Variants in ZC3H18 observed in about 807,000 individuals in gnomAD.
ZC3H18 encodes the protein zinc finger CCCH-type containing 18.
A neutral mutation model predicts 106.1 loss-of-function variants in ZC3H18; 8 were observed. The observed-to-expected ratio is 0.08, with a 90% CI of 0.04 to 0.14. ZC3H18 has a LOEUF of 0.14. ZC3H18 is among the 10% of genes least tolerant of loss of function. ZC3H18 has a pLI of 1.00. For missense variants in ZC3H18, 1,318 were observed against 1,278.4 expected (o/e 1.03, Z -0.47); for synonymous variants, 635 against 522.1 (o/e 1.22, Z -2.95).
At chr16:88,596,513 G>C (rs1006713522) in intron 3 of ZC3H18, among the ~76,000 whole-genome samples, 1 of 152,076 alleles carries the variant, frequency 6.6e-6, no homozygotes, top group Non-Finnish European at 1.5e-5. Context: ...GGTGGTACCC[G>C]CCTGTAATCC....
chr16:88,623,102 T>C, intron 9 of ZC3H18, 117 bp from the exon 10 acceptor site: 1 of 1,437,008 alleles, frequency 7.0e-7, no homozygotes, highest in South Asian at 1.3e-5. Flanking sequence ...TGCGCAGCTG[T>C]GCGCTTGTGT....
rs115251082 is a variant in ZC3H18 at position 88,572,040 on chromosome 16, C to T, written c.-15+1474C>T. 7.9e-3 allele frequency among the ~76,000 whole-genome samples: 1,207 copies of T among 152,314 alleles called. 21 individuals are homozygous for T. Among genetic ancestry groups the T allele is most frequent in the African/African-American group, 0.028 (1,157 of 41,566 alleles). On this transcript the variant is annotated intron_variant, in intron 1 of 17. Coordinates refer to ENST00000301011, the MANE Select transcript of ZC3H18 (RefSeq NM_144604.4). ...GAAAATCAGTCTTATTCAATAGTCA[C>T]CCTCCAGGTTTGACCAAAAGTTTAC...
At chr16:88,603,477 G>A (rs1397264937) in intron 6 of ZC3H18, among the ~76,000 whole-genome samples, 2 of 151,338 alleles carry the variant, frequency 1.3e-5, no homozygotes, top group African/African-American at 4.8e-5. Flanking sequence ...GAAGAAATTA[G>A]CAGGGCGTGG....
chr16:88,571,123 G>C (rs1327201477), intron 1 of ZC3H18, among the ~76,000 whole-genome samples: 2 of 152,214 alleles, frequency 1.3e-5, no homozygotes, highest in East Asian at 1.9e-4. Context: ...GAGATCAGAG[G>C]TGCTGGGTCC....
intron 3 of ZC3H18, among the ~76,000 whole-genome samples, chr16:88,594,047 A>G (rs1288137180): frequency 6.6e-6 from 1 of 152,172 alleles, no homozygotes; most frequent in Non-Finnish European, 1.5e-5. Context: ...CTCTGAGCAC[A>G]CTGAAAAGGC....
chr16:88,596,150 G>A (rs994822461), intron 3 of ZC3H18, among the ~76,000 whole-genome samples: 1 of 152,106 alleles, frequency 6.6e-6, no homozygotes, highest in African/African-American at 2.4e-5. Context: ...GCAGCCCCAC[G>A]CTCGCCTTCT....
intron 6 of ZC3H18, among the ~76,000 whole-genome samples, chr16:88,603,024 G>T (rs1395908424): frequency 6.6e-6 from 1 of 151,736 alleles, no homozygotes; most frequent in Non-Finnish European, 1.5e-5. Context: ...GAGTGTAGTG[G>T]TGCCATCTTG....
chr16:88,587,620 A>G (rs1178009862), intron 3 of ZC3H18: 3 of 1,533,878 alleles, frequency 2.0e-6, no homozygotes, highest in African/African-American at 1.4e-5. Flanking sequence ...AAAGGTACAA[A>G]ATACGCTATA....
rs1215774191 is a variant in ZC3H18, at chr16:88,577,623, G to A, written c.500G>A (p.Gly167Glu). ...GGCGAAGGCACTCCCAGGGAGGAGGGGAAGGCTGGTGTTCAGAGTGTGGGA... is the reference window on the plus strand; with the variant it reads ...GGCGAAGGCACTCCCAGGGAGGAGGAGAAGGCTGGTGTTCAGAGTGTGGGA... ...EKGEGTPREE[G>E]KAGVQSVGEK... Residue 167 changes from glycine to glutamate, a missense_variant, in exon 2 of 18, where the codon GGG (glycine) becomes GAG (glutamate). By Grantham distance (98) the Gly-to-Glu change is moderately conservative. Transcript: ENST00000301011. 6 of 1,613,832 alleles carry A rather than the reference G, an allele frequency of 3.7e-6. No homozygotes were observed. The highest frequency in any genetic ancestry group is 5.1e-6 in the Non-Finnish European group (6 of 1,180,030).
intron 1 of ZC3H18, among the ~76,000 whole-genome samples, chr16:88,576,380 C>G (rs553894588): frequency 1.3e-5 from 2 of 152,230 alleles, no homozygotes; most frequent in East Asian, 3.9e-4. Context: ...TTAAGTGTGT[C>G]AAGTTTCCTG....
At chr16:88,603,227 A>C (rs1904841324) in intron 6 of ZC3H18, among the ~76,000 whole-genome samples, 1 of 151,788 alleles carries the variant, frequency 6.6e-6, no homozygotes, top group Non-Finnish European at 1.5e-5. Flanking sequence ...CGGCCTCCCA[A>C]AGTGCTGGGA....
chr16:88,631,887 G>T lies in ZC3H18; in HGVS notation c.*588G>T. 3.4e-6 allele frequency: 1 copy of T among 295,608 alleles called. No homozygotes were observed. 18.3% of individuals were successfully genotyped at this position (295,608 alleles called of 1,614,324 possible). On this transcript the variant is annotated 3_prime_UTR_variant, in exon 18 of 18. Coordinates refer to ENST00000301011, the MANE Select transcript of ZC3H18 (RefSeq NM_144604.4). ...ACAGAAAAGACCAAAAAAAGGCCAA[G>T]GGTGTTGTTGGGGCGTCTGTCTAAT...
chr16:88,570,751 C>T (rs1597311410), intron 1 of ZC3H18, among the ~76,000 whole-genome samples, 185 bp downstream of exon 1: 1 of 151,744 alleles, frequency 6.6e-6, no homozygotes, highest in Admixed American at 6.6e-5. Context: ...ACAGGCACCA[C>T]CCCGAGTTCC....
At chr16:88,591,988 G>A (rs571899679) in intron 3 of ZC3H18, among the ~76,000 whole-genome samples, 2 of 152,204 alleles carry the variant, frequency 1.3e-5, no homozygotes, top group African/African-American at 2.4e-5. Context: ...CGCTGGCAGC[G>A]GAGTTGCTGA....
chr16:88,612,440 G>A (rs1445925650), intron 8 of ZC3H18, among the ~76,000 whole-genome samples: 1 of 151,526 alleles, frequency 6.6e-6, no homozygotes, highest in South Asian at 2.1e-4. Flanking sequence ...GAGGCAGGTG[G>A]ATTGCTTGAA....
At chr16:88,609,418 C>G (rs535981970) in intron 7 of ZC3H18, among the ~76,000 whole-genome samples, 1 of 152,054 alleles carries the variant, frequency 6.6e-6, no homozygotes, top group Admixed American at 6.6e-5. Context: ...CATCCTCAGC[C>G]TCCCGAGTAG....
chr16:88,606,159 G>A (rs1477082866), intron 6 of ZC3H18, among the ~76,000 whole-genome samples: 1 of 152,218 alleles, frequency 6.6e-6, no homozygotes, highest in Non-Finnish European at 1.5e-5. Flanking sequence ...AAAACAGTTG[G>A]GGAAGAGTTT....
chr16:88,618,944 G>A (rs1036567948), intron 8 of ZC3H18, among the ~76,000 whole-genome samples: 8 of 152,310 alleles, frequency 5.3e-5, no homozygotes, highest in Middle Eastern at 3.4e-3. Context: ...AGCCGCACTC[G>A]GTGGGCTGTC....
chr16:88,584,452 C>T (rs1010250417), intron 2 of ZC3H18, among the ~76,000 whole-genome samples: 3 of 151,756 alleles, frequency 2.0e-5, no homozygotes, highest in African/African-American at 7.3e-5. Context: ...GGTAATCATC[C>T]ATTATTTAAA....
Sources: gnomAD v4.1 joint callset for allele counts (sites outside exome capture counted in the v4.1 genomes callset) on GRCh38, gnomAD v4.1.1 for gene constraint, MANE v1.5 for transcripts, NCBI Gene and HGNC (gene_info 2026-07-23, HGNC 2026-07-21) for gene names.